Variants in NTRK2 observed in about 807,000 individuals in gnomAD.
NTRK2 encodes neurotrophic receptor tyrosine kinase 2, also known as BDNF/NT-3 growth factors receptor.
In NTRK2, 13 loss-of-function variants were observed where a neutral mutation model predicts 94.5. The ratio of observed to expected loss-of-function variants is 0.14; its 90% CI spans 0.09 to 0.22. The LOEUF is 0.22. NTRK2 is among the 10% of genes least tolerant of loss of function. NTRK2 has a pLI of 1.00. For synonymous variants in NTRK2, 372 were observed against 407.4 expected, an observed-to-expected ratio of 0.91 and a Z score of 1.05; for missense variants, 639 against 1,071.2, an observed-to-expected ratio of 0.60 and a Z score of 5.63.
At chr9:84,685,097 T>C (rs2059628273) in intron 2 of NTRK2, among the ~76,000 whole-genome samples, 2 of 152,130 alleles carry the variant, frequency 1.3e-5, no homozygotes. Flanking sequence ...TATATGTTTT[T>C]ACTTTTAAAG....
intron 17 of NTRK2, among the ~76,000 whole-genome samples, chr9:85,011,582 A>G (rs929131985): frequency 9.9e-5 from 15 of 152,180 alleles, no homozygotes; most frequent in Admixed American, 3.3e-4. Flanking sequence ...TGTGAGGGCA[A>G]AGCAAGAAAG....
chr9:84,757,657 T>C (rs1191363219), intron 12 of NTRK2, among the ~76,000 whole-genome samples: 1 of 152,246 alleles, frequency 6.6e-6, no homozygotes, highest in East Asian at 1.9e-4. Flanking sequence ...GAAGACAAAC[T>C]GAGCTTATAT....
chr9:84,874,144 G>T (rs1381525587), intron 14 of NTRK2: 1 of 1,064,914 alleles, frequency 9.4e-7, no homozygotes, highest in Non-Finnish European at 1.1e-6. Context: ...CCCCCATTTT[G>T]GTTTCGGATT....
chr9:84,960,389 G>A (rs1168403758), intron 17 of NTRK2, among the ~76,000 whole-genome samples: 1 of 152,186 alleles, frequency 6.6e-6, no homozygotes, highest in Non-Finnish European at 1.5e-5. Flanking sequence ...GAAGGGAGAA[G>A]GTTTAGTAAT....
intron 12 of NTRK2, among the ~76,000 whole-genome samples, chr9:84,805,122 GCACATT>G (rs1377848054): frequency 6.6e-6 from 1 of 152,220 alleles, no homozygotes; most frequent in Non-Finnish European, 1.5e-5. Flanking sequence ...GCTGATTAGA[GCACATT>G]CCCCTTAGAA....
At chr9:84,766,537 G>A (rs997856658) in intron 12 of NTRK2, among the ~76,000 whole-genome samples, 1 of 152,108 alleles carries the variant, frequency 6.6e-6, no homozygotes, top group South Asian at 2.1e-4. Flanking sequence ...ACTGAAGCAT[G>A]ACTGAAGGGA....
intron 12 of NTRK2, among the ~76,000 whole-genome samples, chr9:84,768,261 G>A (rs1009030144): frequency 6.6e-6 from 1 of 152,244 alleles, no homozygotes; most frequent in Non-Finnish European, 1.5e-5. Context: ...GAAATGCCAA[G>A]TCTAAGTAGC....
chr9:84,843,135 G>A (rs147890212), intron 12 of NTRK2, among the ~76,000 whole-genome samples: 6 of 152,158 alleles, frequency 3.9e-5, no homozygotes, highest in East Asian at 1.9e-4. Flanking sequence ...TGCCTCATGC[G>A]TATAAAGAAC....
intron 12 of NTRK2, among the ~76,000 whole-genome samples, chr9:84,860,013 C>A (rs2075256706): frequency 6.6e-6 from 1 of 152,134 alleles, no homozygotes; most frequent in African/African-American, 2.4e-5. Flanking sequence ...CTACCTTTAC[C>A]CTTGAACAAT....
chr9:84,705,617 CCT>C (rs1386433086), intron 4 of NTRK2, among the ~76,000 whole-genome samples: 2 of 152,070 alleles, frequency 1.3e-5, no homozygotes, highest in Non-Finnish European at 2.9e-5. Context: ...TTCTTTGCTG[CCT>C]CTCTCTGCCT....
chr9:84,765,098 G>C (rs2065909961), intron 12 of NTRK2, among the ~76,000 whole-genome samples: 1 of 152,164 alleles, frequency 6.6e-6, no homozygotes, highest in South Asian at 2.1e-4. Flanking sequence ...GATGGTTAAT[G>C]AGTACAAAAA....
intron 17 of NTRK2, among the ~76,000 whole-genome samples, chr9:84,959,893 T>G (rs11140810): frequency 0.45 from 69,066 of 152,006 alleles, 16,411 homozygotes; most frequent in Middle Eastern, 0.54. Flanking sequence ...TTGGGTGGTT[T>G]GCACTGTTTG....
chr9:84,829,871 G>T (rs2073424446), intron 12 of NTRK2, among the ~76,000 whole-genome samples: 1 of 152,180 alleles, frequency 6.6e-6, no homozygotes, highest in Admixed American at 6.5e-5. Context: ...GGATAGCAAA[G>T]ATTTTCTTTC....
chr9:84,849,421 G>A (rs12685845), intron 12 of NTRK2, among the ~76,000 whole-genome samples: 17,418 of 152,210 alleles, frequency 0.11, 1,265 homozygotes, highest in East Asian at 0.22. Flanking sequence ...TATCTTCTGG[G>A]CAAGGAAGGA....
At chr9:84,868,492 G>A (rs984312262) in intron 14 of NTRK2, among the ~76,000 whole-genome samples, 6 of 152,188 alleles carry the variant, frequency 3.9e-5, no homozygotes, top group Admixed American at 3.9e-4. Flanking sequence ...GAGTTTAAAT[G>A]TTAGGAAGAA....
At chr9:84,839,761 C>T (rs369580181) in intron 12 of NTRK2, among the ~76,000 whole-genome samples, 22 of 152,314 alleles carry the variant, frequency 1.4e-4, no homozygotes, top group African/African-American at 4.3e-4. Flanking sequence ...GCTATGCTGC[C>T]GCCTTCTCCC....
chr9:85,021,133 A>G (rs1832749080), intron 18 of NTRK2, 119 bp from the exon 19 acceptor site: 2 of 856,800 alleles, frequency 2.3e-6, no homozygotes, highest in South Asian at 2.9e-5. Context: ...CTGAGAAAAC[A>G]AAACCAAGAG....
At chr9:84,873,383 C>T (rs200602531) in intron 14 of NTRK2, 1 of 1,058,946 alleles carries the variant, frequency 9.4e-7, no homozygotes, top group Non-Finnish European at 1.1e-6. Context: ...TTTTAGGATC[C>T]TTAAAAATTG....
intron 2 of NTRK2, among the ~76,000 whole-genome samples, chr9:84,699,271 C>T (rs540977527): frequency 7.9e-5 from 12 of 152,186 alleles, no homozygotes; most frequent in Middle Eastern, 3.4e-3. Context: ...CTCCTGACCT[C>T]GTGATCCGCC....
Sources: gnomAD v4.1 joint callset for allele counts (sites outside exome capture counted in the v4.1 genomes callset) on GRCh38, gnomAD v4.1.1 for gene constraint, MANE v1.5 for transcripts, NCBI Gene and HGNC (gene_info 2026-07-23, HGNC 2026-07-21) for gene names.